PXDNL: variants seen among roughly 807,000 people sequenced by gnomAD.
The protein encoded by PXDNL is probable oxidoreductase PXDNL.
A neutral mutation model predicts 150.8 loss-of-function variants in PXDNL; 145 were observed. The observed-to-expected ratio is 0.96, with a 90% CI of 0.84 to 1.10. The LOEUF is 1.10. Ranked by LOEUF, PXDNL falls within the 50% of genes least tolerant of loss-of-function variation. The probability of loss-of-function intolerance (pLI) is 0.00; values close to 1 mark genes in which losing one functional copy is unlikely to be tolerated. For missense variants in PXDNL, 2,087 were observed against 1,873.9 expected, an observed-to-expected ratio of 1.11 and a Z score of -2.10; for synonymous variants, 757 against 725.7, an observed-to-expected ratio of 1.04 and a Z score of -0.69.
At chr8:51,732,626 A>G (rs1816955807) in intron 1 of PXDNL, among the ~76,000 whole-genome samples, 2 of 152,208 alleles carry the variant, frequency 1.3e-5, no homozygotes, top group South Asian at 4.1e-4. Context: ...GACATACCTG[A>G]GACTGGGTAA....
chr8:51,497,368 G>A (rs923429297), intron 5 of PXDNL, among the ~76,000 whole-genome samples: 8 of 152,154 alleles, frequency 5.3e-5, no homozygotes, highest in Non-Finnish European at 8.8e-5. Context: ...CAGGACATAG[G>A]CATGGGCAAG....
intron 1 of PXDNL, among the ~76,000 whole-genome samples, chr8:51,737,768 A>G (rs1348204372): frequency 7.0e-6 from 1 of 143,738 alleles, no homozygotes; most frequent in African/African-American, 2.6e-5. Context: ...CCCCCCCACC[A>G]CTCCTTTCTG....
chr8:51,363,479 G>A (rs1457550513), intron 19 of PXDNL, among the ~76,000 whole-genome samples: 2 of 152,248 alleles, frequency 1.3e-5, no homozygotes, highest in South Asian at 2.1e-4. Context: ...ACGTGAGAGG[G>A]TAGTGATTGA....
intron 1 of PXDNL, among the ~76,000 whole-genome samples, chr8:51,786,355 C>A (rs888671616): frequency 6.6e-6 from 1 of 152,078 alleles, no homozygotes; most frequent in East Asian, 1.9e-4. Flanking sequence ...ACTACAGGCG[C>A]CCGCCACCAC....
At chr8:51,364,259 T>C (rs1355455536) in intron 19 of PXDNL, among the ~76,000 whole-genome samples, 1 of 152,110 alleles carries the variant, frequency 6.6e-6, no homozygotes, top group African/African-American at 2.4e-5. Flanking sequence ...AACATCAGAG[T>C]TGTCCTTTGC....
chr8:51,706,947 AG>A (rs66966690), intron 1 of PXDNL, among the ~76,000 whole-genome samples: 4,333 of 49,242 alleles, frequency 0.088, 208 homozygotes, highest in African/African-American at 0.35. Context: ...GGTTTTCAGC[AG>A]AAAAAAAATG....
At chr8:51,546,865 G>A (rs1431867423) in intron 4 of PXDNL, among the ~76,000 whole-genome samples, 1 of 152,146 alleles carries the variant, frequency 6.6e-6, no homozygotes, top group Non-Finnish European at 1.5e-5. Context: ...GGTAAGGCCT[G>A]TCACTGCTGG....
chr8:51,585,893 T>A (rs1270201340), intron 3 of PXDNL, among the ~76,000 whole-genome samples: 1 of 152,042 alleles, frequency 6.6e-6, no homozygotes, highest in Non-Finnish European at 1.5e-5. Flanking sequence ...ATATGGCCCC[T>A]TTTCTCTTTG....
rs569078333 is a variant in PXDNL at position 51,646,381 on chromosome 8, TG to T, written c.236+8307del. Among the ~76,000 whole-genome samples the T allele has an allele frequency of 2.1e-3, 323 of 152,264 alleles. 1 individual carries two copies. Among genetic ancestry groups the T allele is most frequent in the Middle Eastern group, 0.01 (3 of 294 alleles). On this transcript the variant is annotated intron_variant, in intron 2 of 22. Coordinates refer to ENST00000356297, the MANE Select transcript of PXDNL (RefSeq NM_144651.5). Reference sequence around the variant, plus strand: ...ATACACTTCTGTTTTTAAAGCCACCTGGTCTGTGGCATTTTGTTGTGATAGC... The same window carrying T: ...ATACACTTCTGTTTTTAAAGCCACCTGTCTGTGGCATTTTGTTGTGATAGC...
intron 2 of PXDNL, among the ~76,000 whole-genome samples, chr8:51,601,305 A>G (rs1055972504): frequency 2.0e-5 from 3 of 151,838 alleles, no homozygotes; most frequent in Non-Finnish European, 4.4e-5. Context: ...GCTCTGTCCA[A>G]TGTTGTCGTT....
intron 4 of PXDNL, among the ~76,000 whole-genome samples, chr8:51,532,600 C>T (rs532233681): frequency 6.6e-6 from 1 of 152,238 alleles, no homozygotes; most frequent in South Asian, 2.1e-4. Flanking sequence ...TTTTTAACTT[C>T]TCCTTTGGTA....
chr8:51,352,056 G>A (rs1806369993), intron 19 of PXDNL, among the ~76,000 whole-genome samples: 1 of 151,920 alleles, frequency 6.6e-6, no homozygotes, highest in Non-Finnish European at 1.5e-5. Flanking sequence ...ACATGAGGGC[G>A]TGACTCCTCA....
At chr8:51,402,904 T>TAC (rs55768775) in intron 17 of PXDNL, among the ~76,000 whole-genome samples, 13,827 of 146,018 alleles carry the variant, frequency 0.095, 697 homozygotes, top group East Asian at 0.21. Context: ...CTACTAAAAA[T>TAC]ACACACACAC....
chr8:51,562,512 G>A (rs1437755301), intron 3 of PXDNL, among the ~76,000 whole-genome samples: 2 of 151,874 alleles, frequency 1.3e-5, no homozygotes, highest in Non-Finnish European at 2.9e-5. Flanking sequence ...CTAAAATTTT[G>A]GGGAAATGCT....
intron 8 of PXDNL, among the ~76,000 whole-genome samples, chr8:51,463,763 C>T (rs992655026): frequency 6.6e-6 from 1 of 152,142 alleles, no homozygotes; most frequent in African/African-American, 2.4e-5. Context: ...TACTCTCAGA[C>T]ACAGTGTAAT....
chr8:51,748,238 C>T (rs2037007618), intron 1 of PXDNL, among the ~76,000 whole-genome samples: 1 of 152,218 alleles, frequency 6.6e-6, no homozygotes, highest in South Asian at 2.1e-4. Context: ...AATTGATTCT[C>T]TAAATAACAA....
At chr8:51,693,679 A>T (rs1563508924) in intron 1 of PXDNL, among the ~76,000 whole-genome samples, 1 of 152,042 alleles carries the variant, frequency 6.6e-6, no homozygotes, top group Non-Finnish European at 1.5e-5. Flanking sequence ...CTGAGGTGAA[A>T]GGATCAATTG....
intron 1 of PXDNL, among the ~76,000 whole-genome samples, chr8:51,704,304 G>A (rs1197294602): frequency 6.6e-6 from 1 of 152,206 alleles, no homozygotes; most frequent in East Asian, 1.9e-4. Flanking sequence ...TTATGTGGAT[G>A]TGTGTAGTAG....
chr8:51,519,663 A>G (rs1438522060), intron 4 of PXDNL, among the ~76,000 whole-genome samples: 1 of 152,192 alleles, frequency 6.6e-6, no homozygotes, highest in Non-Finnish European at 1.5e-5. Flanking sequence ...CTCAAGACTG[A>G]GTTCATCAAA....
Sources: gnomAD v4.1 joint callset for allele counts (sites outside exome capture counted in the v4.1 genomes callset) on GRCh38, gnomAD v4.1.1 for gene constraint, MANE v1.5 for transcripts, NCBI Gene and HGNC (gene_info 2026-07-23, HGNC 2026-07-21) for gene names.